PKHD1: variants seen among roughly 807,000 people sequenced by gnomAD.
The protein encoded by PKHD1 is fibrocystin.
In PKHD1, 291 loss-of-function variants were observed where a neutral mutation model predicts 412.0. That is an observed-to-expected ratio of 0.71 (90% CI 0.64 to 0.78). PKHD1 has a LOEUF of 0.78. Among genes scored for constraint, PKHD1 ranks in the 30% least tolerant of loss-of-function variants. The pLI, the probability that PKHD1 is intolerant of heterozygous loss-of-function variation, is 0.00. For synonymous variants in PKHD1, 1,777 were observed against 1,821.5 expected (o/e 0.98, Z 0.62); for missense variants, 4,825 against 4,950.7 (o/e 0.97, Z 0.76).
At position 51,659,673 on chromosome 6, in the gene PKHD1, G is replaced by GA. The variant is rs771623148; in HGVS notation, c.10452dup (p.Leu3485SerfsTer18). 18 of 1,613,658 alleles carry GA rather than the reference G, an allele frequency of 1.1e-5. No individual in the cohort carries two copies. The highest frequency in any genetic ancestry group is 5.3e-5 in the African/African-American group (4 of 74,900). On this transcript the variant is annotated frameshift_variant, in exon 61 of 67. Transcript: ENST00000371117. LOFTEE classifies it high-confidence loss of function. Reference sequence around the variant, plus strand: ...TTGGAGGTACTTTTGTTCCCCAATAGAAAAAAGCGCAAAACTTGAGGAGTT... The same window carrying GA: ...TTGGAGGTACTTTTGTTCCCCAATAGAAAAAAAGCGCAAAACTTGAGGAGTT...
At chr6:51,689,260 A>T (rs909570727) in intron 60 of PKHD1, among the ~76,000 whole-genome samples, 1 of 152,234 alleles carries the variant, frequency 6.6e-6, no homozygotes, top group Non-Finnish European at 1.5e-5. Context: ...TGATTATCTC[A>T]ATCAATGCAG....
intron 60 of PKHD1, among the ~76,000 whole-genome samples, chr6:51,697,727 C>T (rs1028659427): frequency 2.0e-5 from 3 of 152,222 alleles, no homozygotes; most frequent in Admixed American, 6.5e-5. Context: ...TCTTACTGCT[C>T]TTGCAGCATG....
chr6:52,027,547 AAAG>A (rs1246925981), intron 31 of PKHD1, among the ~76,000 whole-genome samples: 31 of 149,178 alleles, frequency 2.1e-4, no homozygotes, highest in East Asian at 9.8e-4. Context: ...AAAAAAAAAA[AAAG>A]AAGAAGAAGA....
intron 37 of PKHD1, among the ~76,000 whole-genome samples, chr6:51,923,811 T>C (rs1441356413): frequency 6.6e-6 from 1 of 152,216 alleles, no homozygotes; most frequent in Non-Finnish European, 1.5e-5. Flanking sequence ...TTGAGGAGAC[T>C]GTTTCAGAAA....
intron 60 of PKHD1, among the ~76,000 whole-genome samples, chr6:51,732,046 A>C (rs2150894934): frequency 6.6e-6 from 1 of 152,330 alleles, no homozygotes; most frequent in East Asian, 1.9e-4. Context: ...GATTTTAAAC[A>C]CATAGTATAA....
At chr6:51,732,976 C>T (rs1305026647) in intron 60 of PKHD1, among the ~76,000 whole-genome samples, 1 of 151,958 alleles carries the variant, frequency 6.6e-6, no homozygotes, top group African/African-American at 2.4e-5. Flanking sequence ...ATGGATGAAC[C>T]CTGAGAACAT....
chr6:51,951,345 C>T lies in PKHD1; in HGVS notation c.5908+8525G>A, dbSNP rs945549188. Among the ~76,000 whole-genome samples, 6 of 151,924 alleles carry T rather than the reference C, an allele frequency of 3.9e-5. No individual in the cohort carries two copies. In the East Asian group the frequency reaches 5.8e-4, roughly 15 times the overall value. On this transcript the variant is annotated intron_variant, in intron 36 of 66. Transcript: ENST00000371117. ...GAAATAGAAAAGACAAAAAAAAAATCGTCTTTTTCCCGAGGTCTGTACCAA... is the reference window on the plus strand; with the variant it reads ...GAAATAGAAAAGACAAAAAAAAAATTGTCTTTTTCCCGAGGTCTGTACCAA...
In PKHD1 at chr6:52,085,029, C is replaced by CA. The variant is rs1414799722; in HGVS notation, c.-84-13dup. 2.0e-5 allele frequency: 16 copies of CA among 815,624 alleles called. No homozygotes were observed. Among genetic ancestry groups the CA allele is most frequent in the Non-Finnish European group, 3.0e-5 (14 of 468,010 alleles). The allele number at this position is 815,624 out of a possible 1,614,324, so 50.5% of individuals were successfully genotyped here. The stretch of plus-strand genomic sequence containing the variant: ...GCATAGCTTTTGTGCTTTATAAAAA[C>CA]AAAAAAAGCAAAAAAAAATTATCAT... On this transcript the variant is annotated splice_polypyrimidine_tract_variant and intron_variant, in intron 1 of 66. Transcript: ENST00000371117.
At chr6:51,854,288 A>G (rs1772879822) in intron 49 of PKHD1, among the ~76,000 whole-genome samples, 1 of 152,052 alleles carries the variant, frequency 6.6e-6, no homozygotes, top group Non-Finnish European at 1.5e-5. Context: ...GAGTGCAGCA[A>G]AGATGGGTGT....
chr6:51,880,861 G>A (rs759511646), intron 46 of PKHD1, among the ~76,000 whole-genome samples: 13 of 145,318 alleles, frequency 8.9e-5, no homozygotes, highest in Non-Finnish European at 1.5e-4. Context: ...AGCTACTCAG[G>A]AGGCTGAGGC....
intron 51 of PKHD1, among the ~76,000 whole-genome samples, chr6:51,836,153 T>C (rs1431265809): frequency 2.0e-5 from 3 of 152,244 alleles, no homozygotes; most frequent in Non-Finnish European, 4.4e-5. Context: ...CCATAATTTA[T>C]GAAATGTGCT....
At position 51,748,333 on chromosome 6, in the gene PKHD1, C is replaced by T. The variant is rs768508521; in HGVS notation, c.9283G>A (p.Val3095Ile). ...CCAAGTCTCTCTGATCCTGCCACAA[C>T]GTTGCCATGGAGGTTGATGTCCTTT... is the stretch of plus-strand genomic sequence containing the variant. The part of the protein sequence containing the change: ...QVKDINLHGN[V>I]VAGSERLGFH... Residue 3095 changes from valine (V) to isoleucine (I), a missense_variant, in exon 58 of 67, where the codon GTT (valine) becomes ATT (isoleucine). Physicochemically the swap from Val to Ile is conservative, Grantham distance 29. Coordinates refer to ENST00000371117, the MANE Select transcript of PKHD1 (RefSeq NM_138694.4). 1.3e-5 allele frequency: 21 copies of T among 1,613,958 alleles called. No homozygotes were observed. Among genetic ancestry groups the T allele is most frequent in the Non-Finnish European group, 7.6e-6 (9 of 1,179,984 alleles).
chr6:51,716,809 G>GCTACTGCCT (rs755984840), intron 60 of PKHD1, among the ~76,000 whole-genome samples: 2 of 152,034 alleles, frequency 1.3e-5, no homozygotes, highest in Non-Finnish European at 2.9e-5. Context: ...GTTTACTGAG[G>GCTACTGCCT]CAGTACCATC....
intron 13 of PKHD1, 86 bp from the exon 14 acceptor site, chr6:52,062,746 G>T: frequency 6.6e-7 from 1 of 1,507,136 alleles, no homozygotes; most frequent in Non-Finnish European, 9.2e-7. Flanking sequence ...CAAGGTGAAA[G>T]ATGACCCAGA....
chr6:51,956,678 G>C (rs1291963590), intron 36 of PKHD1, among the ~76,000 whole-genome samples: 2 of 152,024 alleles, frequency 1.3e-5, no homozygotes, highest in African/African-American at 4.8e-5. Context: ...AGAGTCCTGG[G>C]GGGTGGCTGT....
chr6:51,784,428 G>A (rs920163952), intron 53 of PKHD1, among the ~76,000 whole-genome samples: 5 of 152,100 alleles, frequency 3.3e-5, no homozygotes, highest in African/African-American at 1.2e-4. Flanking sequence ...CCAATAAAAC[G>A]AGACAGACGT....
chr6:51,731,425 C>T (rs1413820077), intron 60 of PKHD1, among the ~76,000 whole-genome samples: 2 of 152,132 alleles, frequency 1.3e-5, no homozygotes, highest in Non-Finnish European at 2.9e-5. Context: ...GGATTGTTAA[C>T]TTGAGTAGTA....
chr6:51,645,691 C>A (rs1159067784), intron 63 of PKHD1, among the ~76,000 whole-genome samples: 1 of 152,174 alleles, frequency 6.6e-6, no homozygotes, highest in Non-Finnish European at 1.5e-5. Context: ...CCGTTCCCAG[C>A]CTGAAAACAT....
At chr6:51,713,222 T>C (rs780920231) in intron 60 of PKHD1, among the ~76,000 whole-genome samples, 36 of 152,208 alleles carry the variant, frequency 2.4e-4, no homozygotes, top group Non-Finnish European at 4.4e-4. Context: ...TGTCAAATGA[T>C]TTTTCTTAGA....
Sources: allele counts gnomAD v4.1 joint callset (sites outside exome capture counted in the v4.1 genomes callset), GRCh38; gene constraint gnomAD v4.1.1; transcripts MANE v1.5; gene names NCBI Gene and HGNC (gene_info 2026-07-23, HGNC 2026-07-21).